MACROD2: variants seen among roughly 807,000 people sequenced by gnomAD.
MACROD2 encodes the protein mono-ADP ribosylhydrolase 2.
In MACROD2, 36 loss-of-function variants were observed where a neutral mutation model predicts 70.4. The observed-to-expected ratio is 0.51, with a 90% CI of 0.39 to 0.68. MACROD2 has a LOEUF of 0.68. Ranked by LOEUF, MACROD2 falls within the 30% of genes least tolerant of loss-of-function variation. MACROD2 has a pLI of 0.00. For synonymous variants in MACROD2, 172 were observed against 178.8 expected, an observed-to-expected ratio of 0.96 and a Z score of 0.30; for missense variants, 496 against 538.4, an observed-to-expected ratio of 0.92 and a Z score of 0.78.
intron 6 of MACROD2, among the ~76,000 whole-genome samples, chr20:15,285,262 G>A (rs2146095728): frequency 6.6e-6 from 1 of 152,204 alleles, no homozygotes; most frequent in East Asian, 1.9e-4. Context: ...AAATAATTTT[G>A]TCTAATAGAA....
At chr20:14,912,160 TTGTC>T (rs1467139698) in intron 5 of MACROD2, among the ~76,000 whole-genome samples, 1 of 152,152 alleles carries the variant, frequency 6.6e-6, no homozygotes. Flanking sequence ...CTTCCTGCAC[TTGTC>T]TGTCTGTCTT....
At chr20:16,016,938 C>T (rs1392345416) in intron 15 of MACROD2, among the ~76,000 whole-genome samples, 1 of 152,122 alleles carries the variant, frequency 6.6e-6, no homozygotes, top group African/African-American at 2.4e-5. Context: ...CAAAATATTG[C>T]CAGATATGTT....
chr20:15,070,640 C>T (rs889542642), intron 5 of MACROD2, among the ~76,000 whole-genome samples: 7 of 152,044 alleles, frequency 4.6e-5, no homozygotes, highest in Admixed American at 1.3e-4. Flanking sequence ...CTCTCTTTTG[C>T]TCCTTCTCAT....
intron 4 of MACROD2, among the ~76,000 whole-genome samples, chr20:14,647,952 A>G (rs1376140621): frequency 6.6e-6 from 1 of 152,132 alleles, no homozygotes; most frequent in African/African-American, 2.4e-5. Context: ...GAGCACTGCC[A>G]TTTGCATCCT....
At chr20:14,365,821 T>A (rs2083266567) in intron 3 of MACROD2, among the ~76,000 whole-genome samples, 2 of 152,204 alleles carry the variant, frequency 1.3e-5, no homozygotes, top group Admixed American at 1.3e-4. Context: ...CATTTTATTT[T>A]AGGATATTTT....
chr20:15,295,533 G>T (rs2077577926), intron 6 of MACROD2, among the ~76,000 whole-genome samples: 1 of 151,488 alleles, frequency 6.6e-6, no homozygotes, highest in East Asian at 1.9e-4. Context: ...AGCGATGATA[G>T]AATGCCATTT....
chr20:14,345,473 T>C (rs1332782246), intron 3 of MACROD2, among the ~76,000 whole-genome samples: 1 of 152,094 alleles, frequency 6.6e-6, no homozygotes, highest in Non-Finnish European at 1.5e-5. Context: ...TTTTAAATCA[T>C]ATTTGTGTCT....
At chr20:15,441,210 A>G (rs998929023) in intron 7 of MACROD2, among the ~76,000 whole-genome samples, 1 of 152,138 alleles carries the variant, frequency 6.6e-6, no homozygotes, top group African/African-American at 2.4e-5. Flanking sequence ...ACATTGATAC[A>G]TACATCCCAG....
At chr20:15,818,484 T>C (rs553594792) in intron 8 of MACROD2, among the ~76,000 whole-genome samples, 106 of 152,266 alleles carry the variant, frequency 7.0e-4, no homozygotes, top group African/African-American at 2.4e-3. Flanking sequence ...TTCGAATTAG[T>C]GTATAATGAG....
chr20:14,755,084 C>G (rs896579905), intron 5 of MACROD2, among the ~76,000 whole-genome samples: 9 of 152,062 alleles, frequency 5.9e-5, no homozygotes, highest in Admixed American at 3.3e-4. Context: ...AGTGACAACT[C>G]TAGTTCAGAA....
intron 7 of MACROD2, among the ~76,000 whole-genome samples, chr20:15,454,620 G>T (rs1370486862): frequency 6.6e-6 from 1 of 152,046 alleles, no homozygotes; most frequent in Non-Finnish European, 1.5e-5. Context: ...CCAATTTCAT[G>T]AGAGACAGCC....
intron 5 of MACROD2, among the ~76,000 whole-genome samples, chr20:14,817,000 A>G (rs188985266): frequency 1.3e-5 from 2 of 152,290 alleles, no homozygotes; most frequent in East Asian, 3.9e-4. Context: ...ACATTATATA[A>G]GAACACATCT....
At chr20:15,797,374 C>G (rs933756707) in intron 8 of MACROD2, among the ~76,000 whole-genome samples, 1 of 152,216 alleles carries the variant, frequency 6.6e-6, no homozygotes, top group Non-Finnish European at 1.5e-5. Context: ...CCCAGCCTCC[C>G]AAAGTGCTGG....
At chr20:15,566,326 C>G (rs960467887) in intron 8 of MACROD2, among the ~76,000 whole-genome samples, 2 of 151,936 alleles carry the variant, frequency 1.3e-5, no homozygotes, top group Non-Finnish European at 2.9e-5. Flanking sequence ...CCCACCGTCT[C>G]TACTAAAAAA....
chr20:15,814,504 T>C (rs776377422), intron 8 of MACROD2, among the ~76,000 whole-genome samples: 2 of 152,146 alleles, frequency 1.3e-5, no homozygotes, highest in Non-Finnish European at 2.9e-5. Context: ...AATTCACCCA[T>C]TATTGATTGC....
chr20:15,088,431 ATATATATATATATATATATAATATT>A (rs1324280483), intron 5 of MACROD2, among the ~76,000 whole-genome samples: 1 of 34,008 alleles, frequency 2.9e-5, no homozygotes, highest in East Asian at 2.9e-4. Context: ...ATATATATAT[ATATATATATATATATATATAATATT>A]TTGTGTGTGT....
At position 15,278,595 on chromosome 20, in the gene MACROD2, A is replaced by G. The variant is rs138658016; in HGVS notation, c.540+48534A>G. Among the ~76,000 whole-genome samples the G allele has an allele frequency of 2.2e-3, 341 of 152,304 alleles. 2 individuals are homozygous for G. The highest frequency in any genetic ancestry group is 7.8e-3 in the African/African-American group (324 of 41,558). ...CGTACACATGATAAAACAGGTAGCA[A>G]TGGAGATCCATTATCTCACCTACTA... On this transcript the variant is annotated intron_variant, in intron 6 of 17. Transcript: ENST00000684519.
At chr20:14,457,441 A>G (rs566902549) in intron 3 of MACROD2, among the ~76,000 whole-genome samples, 1 of 152,262 alleles carries the variant, frequency 6.6e-6, no homozygotes, top group East Asian at 1.9e-4. Context: ...AAAATTTTAA[A>G]GACATACCTT....
chr20:14,698,028 A>AT (rs1378836975), intron 5 of MACROD2, among the ~76,000 whole-genome samples: 5 of 152,204 alleles, frequency 3.3e-5, no homozygotes, highest in Admixed American at 6.5e-5. Flanking sequence ...TGCTTTGCTT[A>AT]TTTTTTTGGA....
Sources: allele counts gnomAD v4.1 joint callset (sites outside exome capture counted in the v4.1 genomes callset), GRCh38; gene constraint gnomAD v4.1.1; transcripts MANE v1.5; gene names NCBI Gene and HGNC (gene_info 2026-07-23, HGNC 2026-07-21).